The following RETREG1 variants were observed in gnomAD, a reference collection of about 807,000 sequenced individuals.
The protein encoded by RETREG1 is family with sequence similarity 134 member B.
RETREG1 carries 44 observed loss-of-function variants against 54.8 expected under a neutral mutation model. The observed-to-expected ratio is 0.80, with a 90% confidence interval of 0.63 to 1.03. The LOEUF is 1.03. Ranked by LOEUF, RETREG1 falls within the 50% of genes least tolerant of loss-of-function variation. The pLI is 0.00. For missense variants in RETREG1, 554 were observed against 605.1 expected, an observed-to-expected ratio of 0.92 and a Z score of 0.89; for synonymous variants, 217 against 238.5, an observed-to-expected ratio of 0.91 and a Z score of 0.83.
intron 3 of RETREG1, among the ~76,000 whole-genome samples, chr5:16,524,148 C>T (rs149954420): frequency 6.6e-6 from 1 of 152,342 alleles, no homozygotes; most frequent in Non-Finnish European, 1.5e-5. Flanking sequence ...CAGCAATGAA[C>T]CCAGAGTCTG....
chr5:16,519,946 G>A (rs1349909341), intron 3 of RETREG1, among the ~76,000 whole-genome samples: 3 of 152,178 alleles, frequency 2.0e-5, no homozygotes, highest in Non-Finnish European at 2.9e-5. Context: ...TTTGGCCAGC[G>A]AGAGCTTCTC....
At chr5:16,535,429 T>C (rs2126599727) in intron 3 of RETREG1, among the ~76,000 whole-genome samples, 1 of 151,248 alleles carries the variant, frequency 6.6e-6, no homozygotes. Flanking sequence ...CTTCACAAAG[T>C]GGGAGCTGGA....
At chr5:16,537,978 C>A (rs572634440) in intron 3 of RETREG1, among the ~76,000 whole-genome samples, 1 of 152,202 alleles carries the variant, frequency 6.6e-6, no homozygotes, top group Admixed American at 6.5e-5. Context: ...GTTTTAGAGG[C>A]GGAAGGAACT....
chr5:16,609,329 T>A (rs1743276508), intron 1 of RETREG1, among the ~76,000 whole-genome samples: 1 of 152,226 alleles, frequency 6.6e-6, no homozygotes, highest in Non-Finnish European at 1.5e-5. Flanking sequence ...CCCTTTATCA[T>A]AACTTTAGTA....
intron 3 of RETREG1, chr5:16,508,731 C>T: frequency 6.4e-7 from 1 of 1,550,746 alleles, no homozygotes; most frequent in African/African-American, 1.4e-5. Flanking sequence ...GGAAAAAAAC[C>T]CAGTAGAGAC....
chr5:16,524,289 C>T (rs1396672909), intron 3 of RETREG1, among the ~76,000 whole-genome samples: 1 of 152,232 alleles, frequency 6.6e-6, no homozygotes, highest in Non-Finnish European at 1.5e-5. Context: ...TGAACCATTT[C>T]CAATGTACTC....
intron 3 of RETREG1, among the ~76,000 whole-genome samples, chr5:16,528,555 G>A (rs998763267): frequency 2.0e-5 from 3 of 152,160 alleles, no homozygotes; most frequent in East Asian, 1.9e-4. Flanking sequence ...CCAAGGAGGA[G>A]TGAGACCTGT....
intron 3 of RETREG1, among the ~76,000 whole-genome samples, chr5:16,509,784 C>A (rs190561148): frequency 2.0e-5 from 3 of 152,184 alleles, no homozygotes; most frequent in Non-Finnish European, 2.9e-5. Context: ...ATCATTTGAG[C>A]CCAGGAGTTC....
At chr5:16,556,408 C>A (rs1422832556) in intron 3 of RETREG1, among the ~76,000 whole-genome samples, 1 of 152,004 alleles carries the variant, frequency 6.6e-6, no homozygotes, top group Non-Finnish European at 1.5e-5. Context: ...GATCCTCCCG[C>A]CTCAGCCTCC....
intron 3 of RETREG1, among the ~76,000 whole-genome samples, chr5:16,503,662 C>G (rs1221492905): frequency 1.1e-5 from 1 of 91,704 alleles, no homozygotes; most frequent in East Asian, 2.8e-4. Flanking sequence ...GACTCCATCT[C>G]AAAAAAAAAA....
chr5:16,600,918 C>T (rs980246845), intron 1 of RETREG1, among the ~76,000 whole-genome samples: 5 of 151,890 alleles, frequency 3.3e-5, no homozygotes, highest in Admixed American at 6.6e-5. Context: ...TGTCTTGGAA[C>T]AAAAAATGAG....
intron 1 of RETREG1, among the ~76,000 whole-genome samples, chr5:16,602,340 G>A (rs545675479): frequency 6.6e-6 from 1 of 152,114 alleles, no homozygotes; most frequent in African/African-American, 2.4e-5. Flanking sequence ...GGAAAACGAC[G>A]ACGATGGGCG....
intron 1 of RETREG1, among the ~76,000 whole-genome samples, chr5:16,612,938 T>A (rs1743389324): frequency 6.6e-6 from 1 of 152,244 alleles, no homozygotes; most frequent in Non-Finnish European, 1.5e-5. Flanking sequence ...TCAGCATATA[T>A]TACTTTGTGC....
chr5:16,567,524 A>G (rs1015034246), intron 2 of RETREG1, among the ~76,000 whole-genome samples: 66 of 151,982 alleles, frequency 4.3e-4, no homozygotes, highest in African/African-American at 1.4e-3. Flanking sequence ...CCAGGCATCA[A>G]TGGACAGTGT....
intron 3 of RETREG1, among the ~76,000 whole-genome samples, chr5:16,545,981 A>G (rs1336443901): frequency 2.0e-5 from 3 of 152,354 alleles, no homozygotes; most frequent in Admixed American, 6.5e-5. Flanking sequence ...AAGAGGCAGC[A>G]TGCCGTGCAG....
At chr5:16,606,609 C>CTCATCTAGCCCATAGCCTAAG (rs1307494994) in intron 1 of RETREG1, among the ~76,000 whole-genome samples, 54 of 152,300 alleles carry the variant, frequency 3.5e-4, no homozygotes, top group Admixed American at 1.1e-3. Context: ...CCAGGCACTC[C>CTCATCTAGCCCATAGCCTAAG]TCATCTAGCC....
intron 3 of RETREG1, chr5:16,508,928 C>T: frequency 8.3e-7 from 1 of 1,200,178 alleles, no homozygotes; most frequent in Non-Finnish European, 1.0e-6. Context: ...TGAGCCCTGC[C>T]CAGCTGCCCC....
intron 3 of RETREG1, among the ~76,000 whole-genome samples, chr5:16,556,181 CAG>C (rs1324370963): frequency 2.0e-5 from 3 of 148,130 alleles, no homozygotes; most frequent in Non-Finnish European, 4.4e-5. Flanking sequence ...TTTTTGGAGA[CAG>C]AGTCTCGCTC....
chr5:16,595,880 C>G (rs1742884794), intron 1 of RETREG1, among the ~76,000 whole-genome samples: 1 of 152,154 alleles, frequency 6.6e-6, no homozygotes, highest in African/African-American at 2.4e-5. Context: ...CAAAAGACCC[C>G]AAAGACATGG....
Sources: gnomAD v4.1 joint callset for allele counts (sites outside exome capture counted in the v4.1 genomes callset) on GRCh38, gnomAD v4.1.1 for gene constraint, MANE v1.5 for transcripts, NCBI Gene and HGNC (gene_info 2026-07-23, HGNC 2026-07-21) for gene names.